NPAS3: variants seen among roughly 807,000 people sequenced by gnomAD.
The protein encoded by NPAS3 is neuronal PAS domain-containing protein 3.
NPAS3 carries 14 observed loss-of-function variants against 73.1 expected under a neutral mutation model. The observed-to-expected ratio is 0.19, with a 90% CI of 0.13 to 0.30. The LOEUF (loss-of-function observed/expected upper bound fraction) is 0.30. Among genes scored for constraint, NPAS3 ranks in the 10% least tolerant of loss-of-function variants. The probability of loss-of-function intolerance (pLI) is 1.00; values close to 1 mark genes in which losing one functional copy is unlikely to be tolerated. For missense variants in NPAS3, 1,096 were observed against 1,250.0 expected, an observed-to-expected ratio of 0.88 and a Z score of 1.86; for synonymous variants, 620 against 541.5, an observed-to-expected ratio of 1.14 and a Z score of -2.01.
intron 2 of NPAS3, among the ~76,000 whole-genome samples, chr14:33,089,462 A>G (rs2042149069): frequency 6.6e-6 from 1 of 152,212 alleles, no homozygotes; most frequent in African/African-American, 2.4e-5. Flanking sequence ...AAGAGTAAAA[A>G]GAAATGAACA....
At chr14:33,484,140 G>A (rs2051464366) in intron 4 of NPAS3, among the ~76,000 whole-genome samples, 1 of 152,126 alleles carries the variant, frequency 6.6e-6, no homozygotes, top group African/African-American at 2.4e-5. Context: ...CCTATGGTAT[G>A]TTTGAAGGCA....
intron 7 of NPAS3, among the ~76,000 whole-genome samples, chr14:33,741,547 G>T (rs1374702353): frequency 3.3e-5 from 5 of 152,106 alleles, no homozygotes; most frequent in Non-Finnish European, 7.3e-5. Flanking sequence ...CTGCACAATT[G>T]TCCATTACAA....
chr14:33,142,004 AATTT>A (rs1303026369), intron 2 of NPAS3, among the ~76,000 whole-genome samples: 44 of 152,156 alleles, frequency 2.9e-4, no homozygotes, highest in Admixed American at 2.4e-3. Context: ...AATATTAAAC[AATTT>A]ATTTATTTTT....
chr14:33,558,672 C>T (rs565786016), intron 4 of NPAS3, among the ~76,000 whole-genome samples: 22 of 151,738 alleles, frequency 1.4e-4, no homozygotes, highest in African/African-American at 5.1e-4. Flanking sequence ...TACATTCCCC[C>T]AAAATTCAGT....
At chr14:33,239,460 A>G (rs2048147259) in intron 3 of NPAS3, among the ~76,000 whole-genome samples, 1 of 151,884 alleles carries the variant, frequency 6.6e-6, no homozygotes, top group Non-Finnish European at 1.5e-5. Flanking sequence ...TCTTTATTCA[A>G]AATTCATTGT....
chr14:33,800,596 C>CGGCGGG lies in NPAS3; in HGVS notation c.2307_2312dup (p.Gly771_Gly772dup), dbSNP rs761517715. 5.7e-4 allele frequency: 745 copies of CGGCGGG among 1,299,982 alleles called. 5 individuals carry two copies. In the East Asian group the frequency reaches 0.011, roughly 18 times the overall value. The allele number at this position is 1,299,982 out of a possible 1,614,324, so 80.5% of individuals were successfully genotyped here. ...CGCGGGACAAGCACCCCGGGAACGG[C>CGGCGGG]GGCGGGGGCGGGGGCGGGGGCGGCG... On this transcript the variant is annotated inframe_insertion, in exon 12 of 12. Transcript: ENST00000356141. The surrounding 1 kb of genome is among the most constrained non-coding windows in gnomAD (Gnocchi z 6.5).
chr14:33,043,616 G>T (rs920265890), intron 1 of NPAS3, among the ~76,000 whole-genome samples: 1 of 152,068 alleles, frequency 6.6e-6, no homozygotes, highest in Admixed American at 6.5e-5. Context: ...ACTACTTGTG[G>T]TTCTACCTGT....
At chr14:33,109,810 C>CTTTTTTTTTTTTTT (rs67439887) in intron 2 of NPAS3, among the ~76,000 whole-genome samples, 1 of 86,948 alleles carries the variant, frequency 1.2e-5, no homozygotes, top group Non-Finnish European at 2.1e-5. Flanking sequence ...ATTTGCATGT[C>CTTTTTTTTTTTTTT]TTTTTTTTTT....
intron 5 of NPAS3, among the ~76,000 whole-genome samples, chr14:33,649,525 G>T (rs1045046484): frequency 2.6e-5 from 4 of 152,094 alleles, no homozygotes; most frequent in African/African-American, 9.7e-5. Flanking sequence ...TGTAGAACTC[G>T]GCTATTAATA....
intron 3 of NPAS3, among the ~76,000 whole-genome samples, chr14:33,300,396 C>T (rs544048625): frequency 1.2e-4 from 18 of 152,308 alleles, no homozygotes; most frequent in African/African-American, 3.8e-4. Context: ...TGAACCACCA[C>T]GTAACATTGG....
chr14:33,741,514 C>T (rs1334217186), intron 7 of NPAS3, among the ~76,000 whole-genome samples: 1 of 152,082 alleles, frequency 6.6e-6, no homozygotes. Flanking sequence ...ATCCTTTTAC[C>T]TCGTTTTAGT....
chr14:33,494,454 G>C (rs2052065771), intron 4 of NPAS3, among the ~76,000 whole-genome samples: 1 of 152,064 alleles, frequency 6.6e-6, no homozygotes, highest in South Asian at 2.1e-4. Context: ...TGACTGTGAG[G>C]TTTCTGTCTT....
intron 5 of NPAS3, among the ~76,000 whole-genome samples, chr14:33,563,537 C>CACACACACACACACACAG: frequency 1.6e-4 from 19 of 119,652 alleles, no homozygotes; most frequent in African/African-American, 6.7e-4. Flanking sequence ...CACACACACA[C>CACACACACACACACACAG]AGAGAGAGAG....
intron 3 of NPAS3, among the ~76,000 whole-genome samples, chr14:33,282,498 T>C (rs1005649489): frequency 2.6e-5 from 4 of 152,188 alleles, no homozygotes; most frequent in Non-Finnish European, 5.9e-5. Context: ...GGGAGAATCC[T>C]GGGTGAGAGG....
At chr14:32,963,465 C>T (rs2037015414) in intron 1 of NPAS3, among the ~76,000 whole-genome samples, 1 of 152,158 alleles carries the variant, frequency 6.6e-6, no homozygotes, top group African/African-American at 2.4e-5. Context: ...ATCCTTTTAC[C>T]TCAGCAAAGT....
intron 2 of NPAS3, among the ~76,000 whole-genome samples, chr14:33,177,294 C>T (rs2045628871): frequency 1.3e-5 from 2 of 151,776 alleles, no homozygotes; most frequent in Admixed American, 1.3e-4. Context: ...GACAGGGTTT[C>T]GCCATGTTGG....
chr14:33,742,484 T>G (rs2061679476), intron 7 of NPAS3, among the ~76,000 whole-genome samples: 2 of 152,202 alleles, frequency 1.3e-5, no homozygotes, highest in Non-Finnish European at 2.9e-5. Flanking sequence ...TTTCTAAAAA[T>G]GAATGTGCAT....
At chr14:33,463,337 C>A (rs751792554) in intron 4 of NPAS3, among the ~76,000 whole-genome samples, 2 of 152,104 alleles carry the variant, frequency 1.3e-5, no homozygotes, top group Non-Finnish European at 2.9e-5. Flanking sequence ...TCAAATCTTG[C>A]AAATTTGTGT....
Position 33,315,466 on chromosome 14 carries a change from G to A in NPAS3, c.386-51720G>A, listed in dbSNP as rs374639717. Among the ~76,000 whole-genome samples, 11 of 151,214 alleles carry A rather than the reference G, an allele frequency of 7.3e-5. No individual in the cohort carries two copies. The East Asian group carries it at 1.4e-3, about 19-fold the overall frequency. ...AGAGTAATATAGCAGGCATGTGTGC[G>A]CCAAGGGAGGACGTTTTGCATGAGA... On this transcript the variant is annotated intron_variant, in intron 3 of 11. Coordinates refer to ENST00000356141, the Ensembl canonical transcript of NPAS3.
Sources: allele counts gnomAD v4.1 joint callset (sites outside exome capture counted in the v4.1 genomes callset), GRCh38; gene constraint gnomAD v4.1.1; non-coding constraint Gnocchi (gnomAD v3.1); transcripts MANE v1.5; gene names NCBI Gene and HGNC (gene_info 2026-07-23, HGNC 2026-07-21).